SLCO5A1: variants seen among roughly 807,000 people sequenced by gnomAD.
The protein encoded by SLCO5A1 is organic anion transporter polypeptide-related protein 4.
SLCO5A1 carries 39 observed loss-of-function variants against 65.1 expected under a neutral mutation model. That is an observed-to-expected ratio of 0.60 (90% CI 0.46 to 0.78). SLCO5A1 has a LOEUF of 0.78. SLCO5A1 is among the 30% of genes least tolerant of loss of function. The probability of loss-of-function intolerance (pLI) is 0.00; values close to 1 mark genes in which losing one functional copy is unlikely to be tolerated. For synonymous variants in SLCO5A1, 438 were observed against 415.7 expected (o/e 1.05, Z -0.65); for missense variants, 1,029 against 1,069.4 (o/e 0.96, Z 0.53).
chr8:69,684,444 C>A (rs1813922930), intron 6 of SLCO5A1, among the ~76,000 whole-genome samples: 1 of 152,122 alleles, frequency 6.6e-6, no homozygotes, highest in African/African-American at 2.4e-5. Flanking sequence ...GCAACCAAAG[C>A]GACCTCTAGT....
At position 69,671,845 on chromosome 8, in the gene SLCO5A1, A is replaced by C. The variant is rs1239014701; in HGVS notation, c.*1024T>G. The C allele has an allele frequency of 6.6e-6, 1 of 152,184 alleles. No homozygotes were observed. Among genetic ancestry groups the C allele is most frequent in the Non-Finnish European group, 1.5e-5 (1 of 68,038 alleles). 9.4% of individuals were successfully genotyped at this position (152,184 alleles called of 1,614,324 possible). A position where few individuals can be genotyped will look rare whatever the true frequency, so the allele number is the denominator to read the frequency against. The stretch of plus-strand genomic sequence containing the variant: ...TCCCAGGCACAGATTTCCTGATATA[A>C]GTATGCATTTTCAGGAGCAACCACA... On this transcript the variant is annotated 3_prime_UTR_variant, in exon 10 of 10. Transcript: ENST00000260126.
At chr8:69,742,108 C>T (rs1481024493) in intron 4 of SLCO5A1, among the ~76,000 whole-genome samples, 1 of 152,106 alleles carries the variant, frequency 6.6e-6, no homozygotes, top group Non-Finnish European at 1.5e-5. Context: ...CAGTAGAGTA[C>T]CACACCCTCA....
intron 2 of SLCO5A1, among the ~76,000 whole-genome samples, chr8:69,793,751 C>T (rs1819366497): frequency 6.6e-6 from 1 of 151,104 alleles, no homozygotes; most frequent in South Asian, 2.1e-4. Flanking sequence ...GCACTCCAGC[C>T]TGGGTGACAG....
At chr8:69,736,181 C>A (rs1363101093) in intron 5 of SLCO5A1, among the ~76,000 whole-genome samples, 1 of 152,210 alleles carries the variant, frequency 6.6e-6, no homozygotes, top group Non-Finnish European at 1.5e-5. Context: ...CTTATTCAAT[C>A]CTGCACTTTC....
intron 4 of SLCO5A1, among the ~76,000 whole-genome samples, chr8:69,754,417 A>G (rs1246035864): frequency 1.3e-5 from 2 of 152,366 alleles, no homozygotes; most frequent in East Asian, 1.9e-4. Context: ...GTAACATATG[A>G]GTAACTTTAT....
In SLCO5A1 at chr8:69,738,185, G is replaced by A; in HGVS notation, c.1278C>T (p.Val426=). ...KDVRDLPRAA[V]RILSNMTFLF... ...GGAATGTCATGTTGCTTAAGATCCT[G>A]ACAGCTGCTCTTGGTAGGTCTACAA... The change falls in exon 5 of 10, where the codon GTC becomes GTT. Residue 426 remains valine (V), a synonymous_variant. Transcript: ENST00000260126. 1.2e-6 allele frequency: 2 copies of A among 1,607,968 alleles called. No individual in the cohort carries two copies. Among genetic ancestry groups the A allele is most frequent in the Non-Finnish European group, 1.7e-6 (2 of 1,176,768 alleles).
intron 8 of SLCO5A1, among the ~76,000 whole-genome samples, chr8:69,677,680 A>G (rs1175663199): frequency 6.6e-6 from 1 of 152,186 alleles, no homozygotes; most frequent in East Asian, 1.9e-4. Context: ...TGGGCCTTTC[A>G]TGCACTACTA....
At position 69,668,866 on chromosome 8, in the gene SLCO5A1, A is replaced by C. The variant is rs187922179; in HGVS notation, c.*4003T>G. On this transcript the variant is annotated 3_prime_UTR_variant, in exon 10 of 10. Transcript: ENST00000260126. ...AAGGTAACAATGTCACAGCGACTAA[A>C]GGGAACAATCGGGATCAGTGGTTTG... The C allele has an allele frequency of 1.9e-4, 29 of 152,280 alleles. No homozygotes were observed. In the East Asian group the frequency reaches 5.2e-3, roughly 27 times the overall value. The allele number at this position is 152,280 out of a possible 1,614,324, so 9.4% of individuals were successfully genotyped here.
At chr8:69,811,851 G>A (rs1481963243) in intron 2 of SLCO5A1, among the ~76,000 whole-genome samples, 1 of 152,212 alleles carries the variant, frequency 6.6e-6, no homozygotes, top group East Asian at 1.9e-4. Flanking sequence ...GGCACAGAGA[G>A]GCCACAGAAG....
chr8:69,800,846 G>A (rs1819704294), intron 2 of SLCO5A1, among the ~76,000 whole-genome samples: 1 of 152,156 alleles, frequency 6.6e-6, no homozygotes, highest in African/African-American at 2.4e-5. Context: ...GCAGTTAAGT[G>A]TTCCAGCCTG....
At chr8:69,830,792 C>T (rs1431367325) in intron 2 of SLCO5A1, among the ~76,000 whole-genome samples, 1 of 152,192 alleles carries the variant, frequency 6.6e-6, no homozygotes, top group Non-Finnish European at 1.5e-5. Flanking sequence ...TGCAAGTCAA[C>T]ACACCAAATC....
At chr8:69,810,093 G>C (rs1820153746) in intron 2 of SLCO5A1, among the ~76,000 whole-genome samples, 1 of 152,168 alleles carries the variant, frequency 6.6e-6, no homozygotes, top group Non-Finnish European at 1.5e-5. Flanking sequence ...TTCCATGCCA[G>C]GACAAAAAGG....
chr8:69,699,179 T>C (rs769265055), intron 6 of SLCO5A1, among the ~76,000 whole-genome samples: 2 of 152,200 alleles, frequency 1.3e-5, no homozygotes, highest in Non-Finnish European at 2.9e-5. Context: ...AGGTAACTGC[T>C]CCTTCCCTCA....
chr8:69,671,235 A>T lies in SLCO5A1; in HGVS notation c.*1634T>A, dbSNP rs1003439580. The T allele has an allele frequency of 4.9e-4, 74 of 152,406 alleles. No homozygotes were observed. Among genetic ancestry groups the T allele is most frequent in the African/African-American group, 1.7e-3 (71 of 41,578 alleles). The allele number at this position is 152,406 out of a possible 1,614,324, so 9.4% of individuals were successfully genotyped here. A position where few individuals can be genotyped will look rare whatever the true frequency, so the allele number is the denominator to read the frequency against. ...CCTAGGAAGAGAGGGAAACAGCCTT[A>T]TACCCAGGAGTATTTGCACAATTCC... On this transcript the variant is annotated 3_prime_UTR_variant, in exon 10 of 10. Transcript: ENST00000260126.
At chr8:69,782,834 T>C (rs1312701400) in intron 2 of SLCO5A1, among the ~76,000 whole-genome samples, 1 of 152,178 alleles carries the variant, frequency 6.6e-6, no homozygotes, top group Non-Finnish European at 1.5e-5. Flanking sequence ...GTTTTAAAAA[T>C]TTTTAAAGTA....
intron 1 of SLCO5A1, among the ~76,000 whole-genome samples, chr8:69,834,630 G>A (rs1821339886): frequency 6.6e-6 from 1 of 152,148 alleles, no homozygotes; most frequent in Admixed American, 6.5e-5. Flanking sequence ...CGCCCTCACA[G>A]CATCGCAGAC....
At chr8:69,688,248 A>C (rs1301110301) in intron 6 of SLCO5A1, among the ~76,000 whole-genome samples, 1 of 152,208 alleles carries the variant, frequency 6.6e-6, no homozygotes, top group Non-Finnish European at 1.5e-5. Flanking sequence ...TGCTCTTTTA[A>C]GCAAACTTCT....
intron 2 of SLCO5A1, among the ~76,000 whole-genome samples, chr8:69,774,258 G>T (rs749648006): frequency 6.6e-6 from 1 of 152,160 alleles, no homozygotes; most frequent in Non-Finnish European, 1.5e-5. Context: ...TAGGCCCTCA[G>T]GGCTGCCCTG....
At chr8:69,740,768 G>A (rs1304872009) in intron 4 of SLCO5A1, among the ~76,000 whole-genome samples, 1 of 152,166 alleles carries the variant, frequency 6.6e-6, no homozygotes, top group African/African-American at 2.4e-5. Context: ...GGAATGGTGA[G>A]GACATGTCAT....
Sources: allele counts gnomAD v4.1 joint callset (sites outside exome capture counted in the v4.1 genomes callset), GRCh38; gene constraint gnomAD v4.1.1; transcripts MANE v1.5; gene names NCBI Gene and HGNC (gene_info 2026-07-23, HGNC 2026-07-21).